The following PPP1R37 variants were observed in gnomAD, a reference collection of about 807,000 sequenced individuals.
PPP1R37 encodes protein phosphatase 1 regulatory subunit 37.
A neutral mutation model predicts 61.0 loss-of-function variants in PPP1R37; 21 were observed. The observed-to-expected ratio is 0.34, with a 90% confidence interval of 0.24 to 0.50. The LOEUF (loss-of-function observed/expected upper bound fraction) is 0.50, where lower values mean the gene tolerates loss of function less well. Ranked by LOEUF, PPP1R37 falls within the 20% of genes least tolerant of loss-of-function variation. PPP1R37 has a pLI of 0.98. For missense variants in PPP1R37, 910 were observed against 952.7 expected (o/e 0.96, Z 0.59); for synonymous variants, 443 against 433.5 (o/e 1.02, Z -0.27).
At chr19:45,143,258 C>A in intron 7 of PPP1R37, 1 of 394,270 alleles carries the variant, frequency 2.5e-6, no homozygotes, top group South Asian at 3.0e-5. Flanking sequence ...AGTGAGCTGG[C>A]TGTGAGGTGA....
chr19:45,096,631 C>T (rs1342269840), intron 1 of PPP1R37, among the ~76,000 whole-genome samples: 1 of 152,014 alleles, frequency 6.6e-6, no homozygotes, highest in Non-Finnish European at 1.5e-5. Context: ...AAAAGAGGGG[C>T]AGTTGGAGCC....
intron 10 of PPP1R37, 34 bp from the exon 11 acceptor site, chr19:45,145,319 G>C: frequency 6.6e-7 from 1 of 1,523,810 alleles, no homozygotes; most frequent in South Asian, 1.2e-5. Context: ...GGTGGGGCCG[G>C]CCTGAGAGCC....
rs770310445 is a variant in PPP1R37 at position 45,130,142 on chromosome 19, G to A, written c.203-8372G>A. On this transcript the variant is annotated intron_variant, in intron 1 of 12. Coordinates refer to ENST00000221462, the MANE Select transcript of PPP1R37 (RefSeq NM_019121.2). The surrounding 1 kb of genome is among the most constrained non-coding windows in gnomAD (Gnocchi z 4.4). ...CCCCTCTTGGAGCTGGAGCACTAGCGGGGGCTCAGCTGCCAAAACCCAGGG... is the reference window on the plus strand; with the variant it reads ...CCCCTCTTGGAGCTGGAGCACTAGCAGGGGCTCAGCTGCCAAAACCCAGGG... 1.3e-5 allele frequency among the ~76,000 whole-genome samples: 2 copies of A among 152,078 alleles called. No homozygotes were observed. The highest frequency in any genetic ancestry group is 2.1e-4 in the South Asian group (1 of 4,822).
Position 45,143,322 on chromosome 19 carries a change from C to A in PPP1R37, c.875-199C>A, listed in dbSNP as rs1018361677. ...AAAGATCAGAAGCATCTGGTGGAGG[C>A]TGTCATCCAGGCACCCAGGCCCAGG... On this transcript the variant is annotated intron_variant, in intron 7 of 12. Transcript: ENST00000221462. 3.4e-5 allele frequency: 18 copies of A among 531,376 alleles called. No homozygotes were observed. The East Asian group carries it at 5.9e-4, about 17-fold the overall frequency. The allele number at this position is 531,376 out of a possible 1,614,324, so 32.9% of individuals were successfully genotyped here.
In PPP1R37 at chr19:45,118,286, C is replaced by T. The variant is rs117500545; in HGVS notation, c.203-20228C>T. Among the ~76,000 whole-genome samples the T allele has an allele frequency of 6.1e-3, 930 of 152,232 alleles. 21 individuals are homozygous for T. The highest frequency in any genetic ancestry group is 0.039 in the Admixed American group (600 of 15,294). On this transcript the variant is annotated intron_variant, in intron 1 of 12. Transcript: ENST00000221462. Reference sequence around the variant, plus strand: ...CCCAGTGCAGAGTGGGTGGGAAGCCCGGGGCCTGTGACCTGTGTCACAGGG... The same window carrying T: ...CCCAGTGCAGAGTGGGTGGGAAGCCTGGGGCCTGTGACCTGTGTCACAGGG...
intron 2 of PPP1R37, among the ~76,000 whole-genome samples, chr19:45,139,554 C>T (rs1263786801): frequency 6.7e-6 from 1 of 150,080 alleles, no homozygotes; most frequent in Admixed American, 6.6e-5. Flanking sequence ...TGTCCTCGGG[C>T]TGTTGTACCC....
At chr19:45,146,348 C>T in intron 11 of PPP1R37, 42 bp from the exon 12 acceptor site, 1 of 1,517,292 alleles carries the variant, frequency 6.6e-7, no homozygotes, top group Non-Finnish European at 8.8e-7. Context: ...TTGTATTTGC[C>T]CCACCCGCCT....
chr19:45,136,619 C>T (rs1238977594), intron 1 of PPP1R37, among the ~76,000 whole-genome samples: 1 of 152,154 alleles, frequency 6.6e-6, no homozygotes, highest in Non-Finnish European at 1.5e-5. Context: ...GGGGCACCTG[C>T]CATCAGCTGA....
In PPP1R37 at chr19:45,093,329, G is replaced by C. The variant is rs1967946069; in HGVS notation, c.4G>C (p.Glu2Gln). 2.0e-6 allele frequency: 3 copies of C among 1,471,448 alleles called. No homozygotes were observed. Among genetic ancestry groups the C allele is most frequent in the Non-Finnish European group, 1.8e-6 (2 of 1,117,104 alleles). The allele number at this position is 1,471,448 out of a possible 1,614,324, so 91.1% of individuals were successfully genotyped here. A position where few individuals can be genotyped will look rare whatever the true frequency, so the allele number is the denominator to read the frequency against. ...CCGTGAGGAGGCGGCGGCGGCTATG[G>C]AGATCGCGCCGCAGGAGGCGCCGCC... M[E>Q]IAPQEAPPVP... Residue 2 changes from glutamate to glutamine, a missense_variant, in exon 1 of 13, where the codon GAG (glutamate) becomes CAG (glutamine). Physicochemically the swap from Glu to Gln is conservative, Grantham distance 29. Coordinates refer to ENST00000221462, the MANE Select transcript of PPP1R37 (RefSeq NM_019121.2).
chr19:45,138,719 A>C (rs1205344983), intron 2 of PPP1R37, 108 bp downstream of exon 2: 1 of 653,764 alleles, frequency 1.5e-6, no homozygotes, highest in Non-Finnish European at 2.6e-6. Context: ...CCAGGTGTTC[A>C]TGAATACATC....
At chr19:45,118,623 C>T (rs944431582) in intron 1 of PPP1R37, among the ~76,000 whole-genome samples, 4 of 152,218 alleles carry the variant, frequency 2.6e-5, no homozygotes, top group Non-Finnish European at 4.4e-5. Flanking sequence ...CCCTGCCGAA[C>T]GTTGGGACAC....
chr19:45,142,680 C>T, intron 7 of PPP1R37: 1 of 550,018 alleles, frequency 1.8e-6, no homozygotes, highest in Non-Finnish European at 3.2e-6. Flanking sequence ...AGTCTGGGGG[C>T]CAGGGAGGGC....
At chr19:45,112,238 G>T (rs1054712301) in intron 1 of PPP1R37, among the ~76,000 whole-genome samples, 1 of 152,210 alleles carries the variant, frequency 6.6e-6, no homozygotes, top group Non-Finnish European at 1.5e-5. Context: ...GCCTCCCAAA[G>T]TGTTGGGATT....
In PPP1R37 at chr19:45,145,812, T is replaced by TCCCCCCCCCCCCCCCCCCC; in HGVS notation, c.1761_1762insCCCCCCCCCCCCCCCCCCC (p.Thr588ProfsTer30). Reference sequence around the variant, plus strand: ...GCCCGAGAGGGCAGAGCCCCCTGCGTCCCCCACCCCTCCCTCTCCCCCACC... The same window carrying TCCCCCCCCCCCCCCCCCCC: ...GCCCGAGAGGGCAGAGCCCCCTGCGTCCCCCCCCCCCCCCCCCCCCCCCCACCCCTCCCTCTCCCCCACC... On this transcript the variant is annotated frameshift_variant, in exon 11 of 13. Transcript: ENST00000221462. LOFTEE classifies it high-confidence loss of function. 10 of 1,227,584 alleles carry TCCCCCCCCCCCCCCCCCCC rather than the reference T, an allele frequency of 8.1e-6. No individual in the cohort carries two copies. Among genetic ancestry groups the TCCCCCCCCCCCCCCCCCCC allele is most frequent in the South Asian group, 1.5e-5 (1 of 64,834 alleles). The allele number at this position is 1,227,584 out of a possible 1,614,324, so 76.0% of individuals were successfully genotyped here. A position where few individuals can be genotyped will look rare whatever the true frequency, so the allele number is the denominator to read the frequency against.
At chr19:45,109,813 C>T (rs1464725019) in intron 1 of PPP1R37, among the ~76,000 whole-genome samples, 1 of 152,204 alleles carries the variant, frequency 6.6e-6, no homozygotes, top group Non-Finnish European at 1.5e-5. Flanking sequence ...CTTCCTGACT[C>T]TTCAGGAATA....
At chr19:45,133,159 C>T (rs1423634232) in intron 1 of PPP1R37, among the ~76,000 whole-genome samples, 2 of 152,108 alleles carry the variant, frequency 1.3e-5, no homozygotes, top group African/African-American at 4.8e-5. Context: ...CTCACCACAA[C>T]CTCCACCTCC....
In PPP1R37 at chr19:45,106,390, C is replaced by T. The variant is rs555209073; in HGVS notation, c.202+12863C>T. ...CCAAGTAGCTGGGATTATAGGCATGCGCCACCATGCCCAGCTAATTTTTTT... is the reference window on the plus strand; with the variant it reads ...CCAAGTAGCTGGGATTATAGGCATGTGCCACCATGCCCAGCTAATTTTTTT... On this transcript the variant is annotated intron_variant, in intron 1 of 12. Transcript: ENST00000221462. Among the ~76,000 whole-genome samples, 3 of 152,068 alleles carry T rather than the reference C, an allele frequency of 2.0e-5. No individual in the cohort carries two copies. In the East Asian group the frequency reaches 5.8e-4, roughly 29 times the overall value.
intron 1 of PPP1R37, among the ~76,000 whole-genome samples, chr19:45,103,817 C>G (rs549848597): frequency 6.4e-4 from 96 of 150,790 alleles, no homozygotes; most frequent in African/African-American, 2.3e-3. Context: ...AACAGGCTCA[C>G]AGAGGTGCCA....
chr19:45,093,234 G>A lies in PPP1R37; in HGVS notation c.-92G>A. On this transcript the variant is annotated 5_prime_UTR_variant, in exon 1 of 13. Transcript: ENST00000221462. ...AGGCGGCGCCTGAAGCGGCGGCGGA[G>A]CCCATGCCCCGGGACGGCGGGCGGA... The A allele has an allele frequency of 9.6e-7, 1 of 1,047,030 alleles. No homozygotes were observed. Among genetic ancestry groups the A allele is most frequent in the Non-Finnish European group, 1.3e-6 (1 of 792,942 alleles). The allele number at this position is 1,047,030 out of a possible 1,614,324, so 64.9% of individuals were successfully genotyped here.
Sources: allele counts gnomAD v4.1 joint callset (sites outside exome capture counted in the v4.1 genomes callset), GRCh38; gene constraint gnomAD v4.1.1; non-coding constraint Gnocchi (gnomAD v3.1); transcripts MANE v1.5; gene names NCBI Gene and HGNC (gene_info 2026-07-23, HGNC 2026-07-21).